Variants in CATSPERB observed in about 807,000 individuals in gnomAD.
CATSPERB encodes catsper channel auxiliary subunit beta, also known as cation channel sperm-associated auxiliary subunit beta.
In CATSPERB, 93 loss-of-function variants were observed where a neutral mutation model predicts 128.3. The ratio of observed to expected loss-of-function variants is 0.72; its 90% confidence interval spans 0.61 to 0.86. The LOEUF (loss-of-function observed/expected upper bound fraction) is 0.86, where lower values mean the gene tolerates loss of function less well. CATSPERB is among the 40% of genes least tolerant of loss of function. CATSPERB has a pLI of 0.00. For synonymous variants in CATSPERB, 381 were observed against 448.8 expected, an observed-to-expected ratio of 0.85 and a Z score of 1.91; for missense variants, 1,153 against 1,329.5, an observed-to-expected ratio of 0.87 and a Z score of 2.06.
chr14:91,645,974 G>T (rs1442729161), intron 15 of CATSPERB, among the ~76,000 whole-genome samples: 15 of 146,212 alleles, frequency 1.0e-4, no homozygotes, highest in Admixed American at 1.4e-4. Flanking sequence ...CGATTTTCCA[G>T]GTGCGTCCGT....
intron 17 of CATSPERB, among the ~76,000 whole-genome samples, chr14:91,633,717 G>A (rs1284443484): frequency 3.3e-5 from 5 of 151,772 alleles, no homozygotes; most frequent in African/African-American, 9.7e-5. Flanking sequence ...ATAGATACAC[G>A]AGAAATATTA....
intron 10 of CATSPERB, among the ~76,000 whole-genome samples, chr14:91,687,693 G>T (rs547750280): frequency 3.3e-5 from 5 of 152,264 alleles, no homozygotes; most frequent in Admixed American, 2.6e-4. Flanking sequence ...GGTGACTCAC[G>T]CCTGTAATCC....
At chr14:91,690,385 G>C (rs1322853038) in intron 10 of CATSPERB, among the ~76,000 whole-genome samples, 1 of 152,124 alleles carries the variant, frequency 6.6e-6, no homozygotes, top group Admixed American at 6.6e-5. Context: ...CTGGGATCTA[G>C]TAGCAAACAG....
At chr14:91,605,082 C>T in intron 22 of CATSPERB, 1 of 1,238,306 alleles carries the variant, frequency 8.1e-7, no homozygotes, top group Admixed American at 1.7e-5. Flanking sequence ...CTCTTCTCTG[C>T]AGAAGTGGGT....
chr14:91,723,068 A>G lies in CATSPERB; in HGVS notation c.290T>C (p.Phe97Ser). The G allele has an allele frequency of 6.6e-7, 1 of 1,507,810 alleles. No homozygotes were observed. Among genetic ancestry groups the G allele is most frequent in the Non-Finnish European group, 8.9e-7 (1 of 1,128,288 alleles). 93.4% of individuals were successfully genotyped at this position (1,507,810 alleles called of 1,614,324 possible). Residue 97 changes from phenylalanine to serine, a missense_variant, in exon 4 of 27, where the codon TTC (phenylalanine) becomes TCC (serine). By Grantham distance (155) the Phe-to-Ser change is radical (BLOSUM62 -2). Coordinates refer to ENST00000256343, the MANE Select transcript of CATSPERB (RefSeq NM_024764.4). The part of the protein sequence containing the change: ...GIMNSTYNGI[F>S]HFNLTLFSDR... Reference sequence around the variant, plus strand: ...AATTACCAACGTTAAATTAAAGTGGAAGATGCCATTATATGTACTATTCAT... The same window carrying G: ...AATTACCAACGTTAAATTAAAGTGGGAGATGCCATTATATGTACTATTCAT...
rs552535824 is a variant in CATSPERB at position 91,608,145 on chromosome 14, G to A, written c.2709+149C>T. ...TTCAGGAATAGCTGTAAGAGGAGGGGCTAAAGTAGAAGGAGGAGGAACAGA... is the reference window on the plus strand; with the variant it reads ...TTCAGGAATAGCTGTAAGAGGAGGGACTAAAGTAGAAGGAGGAGGAACAGA... On this transcript the variant is annotated intron_variant, in intron 22 of 26. Transcript: ENST00000256343. The A allele has an allele frequency of 2.2e-4, 124 of 555,114 alleles. 1 individual carries two copies. The East Asian group carries it at 3.7e-3, about 17-fold the overall frequency. 34.4% of individuals were successfully genotyped at this position (555,114 alleles called of 1,614,324 possible).
chr14:91,701,376 A>G (rs568331276), intron 7 of CATSPERB, among the ~76,000 whole-genome samples: 130 of 152,208 alleles, frequency 8.5e-4, no homozygotes, highest in Non-Finnish European at 1.5e-3. Flanking sequence ...AAAGAATGTC[A>G]TCTGAGGATG....
At chr14:91,615,719 A>G (rs1385839292) in intron 20 of CATSPERB, among the ~76,000 whole-genome samples, 2 of 152,114 alleles carry the variant, frequency 1.3e-5, no homozygotes, top group Non-Finnish European at 2.9e-5. Context: ...TTTTAGGTTG[A>G]CCCGGTAACT....
chr14:91,705,365 AGTG>A (rs1240701488), intron 6 of CATSPERB, among the ~76,000 whole-genome samples: 17 of 152,356 alleles, frequency 1.1e-4, no homozygotes, highest in South Asian at 8.3e-4. Flanking sequence ...CCAGAGTAGC[AGTG>A]GTGAACAGGG....
chr14:91,685,017 CTTCAGCT>C lies in CATSPERB; in HGVS notation c.865-1081_865-1075del, dbSNP rs1895349314. Among the ~76,000 whole-genome samples, 6 of 152,074 alleles carry C rather than the reference CTTCAGCT, an allele frequency of 3.9e-5. No individual in the cohort carries two copies. In the South Asian group the frequency reaches 8.3e-4, roughly 21 times the overall value. On this transcript the variant is annotated intron_variant, in intron 10 of 26. Coordinates refer to ENST00000256343, the MANE Select transcript of CATSPERB (RefSeq NM_024764.4). ...TCGTAGCTCACTCCAGCCTCAAACT[CTTCAGCT>C]TAATAAATCCTCCCGCCTCAGCCTC...
chr14:91,660,914 T>C (rs1055809260), intron 14 of CATSPERB, among the ~76,000 whole-genome samples: 6 of 152,206 alleles, frequency 3.9e-5, no homozygotes, highest in African/African-American at 1.4e-4. Flanking sequence ...ATTTCATTTT[T>C]ATGGTAGGGA....
At chr14:91,703,314 G>T (rs1261855370) in intron 7 of CATSPERB, among the ~76,000 whole-genome samples, 1 of 152,110 alleles carries the variant, frequency 6.6e-6, no homozygotes, top group East Asian at 1.9e-4. Flanking sequence ...TCCTGATAGA[G>T]AACTCCTAAA....
At chr14:91,662,322 C>T (rs1337206565) in intron 14 of CATSPERB, among the ~76,000 whole-genome samples, 1 of 152,188 alleles carries the variant, frequency 6.6e-6, no homozygotes, top group Non-Finnish European at 1.5e-5. Context: ...ATATTGTCTT[C>T]TATAACTTAC....
intron 14 of CATSPERB, among the ~76,000 whole-genome samples, chr14:91,661,549 T>TATATATATATATATATATATATATATA (rs1894886330): frequency 3.8e-5 from 2 of 52,704 alleles, no homozygotes; most frequent in South Asian, 8.8e-4. Flanking sequence ...ATATATATAT[T>TATATATATATATATATATATATATATA]TAAGACAGGG....
At chr14:91,632,816 A>AC (rs1555361150) in intron 17 of CATSPERB, among the ~76,000 whole-genome samples, 6 of 150,046 alleles carry the variant, frequency 4.0e-5, no homozygotes, top group Non-Finnish European at 7.4e-5. Flanking sequence ...AGTCACTTAA[A>AC]ACACACACAC....
chr14:91,624,908 T>C lies in CATSPERB; in HGVS notation c.1842A>G (p.Leu614=), dbSNP rs765910926. The change falls in exon 18 of 27, where the codon TTA becomes TTG. Residue 614 remains leucine (L), a synonymous_variant. Transcript: ENST00000256343. ...VIAEMKEPFG[L]EEVNESSCLS... is the part of the protein sequence containing the mutation. ...AACAAGAGCTCTCATTCACTTCTTC[T>C]AATCCAAAGGGCTCTTTCATTTCTG... 1.2e-6 allele frequency: 2 copies of C among 1,613,240 alleles called. No homozygotes were observed. Among genetic ancestry groups the C allele is most frequent in the African/African-American group, 2.7e-5 (2 of 74,912 alleles).
At chr14:91,625,046 C>T in intron 17 of CATSPERB, 39 bp from the exon 18 acceptor site, 1 of 1,359,172 alleles carries the variant, frequency 7.4e-7, no homozygotes, top group Non-Finnish European at 9.9e-7. Flanking sequence ...TTGGATAAAA[C>T]AGTGGATTAA....
At position 91,668,590 on chromosome 14, in the gene CATSPERB, C is replaced by T. The variant is rs150723818; in HGVS notation, c.1287+1224G>A. On this transcript the variant is annotated intron_variant, in intron 14 of 26. Transcript: ENST00000256343. ...CCTTCCATGCTGTGGAAGCTTTGTTCTTTCGCTCTTCACAATAAGTCTTGC... is the reference window on the plus strand; with the variant it reads ...CCTTCCATGCTGTGGAAGCTTTGTTTTTTCGCTCTTCACAATAAGTCTTGC... Among the ~76,000 whole-genome samples the T allele has an allele frequency of 8.9e-3, 1,363 of 152,310 alleles. 16 individuals are homozygous for T. Among genetic ancestry groups the T allele is most frequent in the Middle Eastern group, 0.044 (13 of 294 alleles).
intron 4 of CATSPERB, 28 bp from the exon 5 acceptor site, chr14:91,719,506 A>G (rs749405655): frequency 3.2e-6 from 5 of 1,564,370 alleles, no homozygotes; most frequent in East Asian, 4.5e-5. Flanking sequence ...TCAGAAAACA[A>G]TGTTTTACAA....
Sources: allele counts gnomAD v4.1 joint callset (sites outside exome capture counted in the v4.1 genomes callset), GRCh38; gene constraint gnomAD v4.1.1; transcripts MANE v1.5; gene names NCBI Gene and HGNC (gene_info 2026-07-23, HGNC 2026-07-21).